Variants in ST6GALNAC3 observed in about 807,000 individuals in gnomAD.
The protein encoded by ST6GALNAC3 is ST6 N-acetylgalactosaminide alpha-2,6-sialyltransferase 3.
A neutral mutation model predicts 32.7 loss-of-function variants in ST6GALNAC3; 25 were observed. That is an observed-to-expected ratio of 0.76 (90% CI 0.56 to 1.07). The LOEUF (loss-of-function observed/expected upper bound fraction) is 1.07. ST6GALNAC3 is among the 50% of genes least tolerant of loss of function. The pLI, the probability that ST6GALNAC3 is intolerant of heterozygous loss-of-function variation, is 0.00. For missense variants in ST6GALNAC3, 355 were observed against 382.4 expected, an observed-to-expected ratio of 0.93 and a Z score of 0.60; for synonymous variants, 129 against 133.1, an observed-to-expected ratio of 0.97 and a Z score of 0.21.
chr1:76,145,514 TC>T (rs1397361155), intron 1 of ST6GALNAC3, among the ~76,000 whole-genome samples: 4 of 152,242 alleles, frequency 2.6e-5, no homozygotes, highest in Admixed American at 2.6e-4. Flanking sequence ...TGCATGTTAC[TC>T]TTTGAGAAGC....
At chr1:76,382,849 T>G (rs1557840516) in intron 2 of ST6GALNAC3, among the ~76,000 whole-genome samples, 1 of 152,148 alleles carries the variant, frequency 6.6e-6, no homozygotes, top group African/African-American at 2.4e-5. Context: ...AACATTTGAA[T>G]CTCTATTGGC....
chr1:76,231,444 G>A lies in ST6GALNAC3; in HGVS notation c.19-82361G>A, dbSNP rs190582041. On this transcript the variant is annotated intron_variant, in intron 1 of 4. Coordinates refer to ENST00000328299, the MANE Select transcript of ST6GALNAC3 (RefSeq NM_152996.4). ...TTGTTGTACGATTAATCTCCAAAAC[G>A]TTTTCATCTTGTAGAACTGAAACTC... 1.1e-3 allele frequency among the ~76,000 whole-genome samples: 165 copies of A among 152,132 alleles called. 5 individuals are homozygous for A. The highest frequency in any genetic ancestry group is 3.6e-3 in the African/African-American group (149 of 41,496).
At chr1:76,478,760 CTTTTTTTTTTT>C (rs397861238) in intron 3 of ST6GALNAC3, among the ~76,000 whole-genome samples, 1 of 109,088 alleles carries the variant, frequency 9.2e-6, no homozygotes, top group Admixed American at 1.0e-4. Flanking sequence ...TTTATTAATT[CTTTTTTTTTTT>C]TTTTTTTTTG....
intron 1 of ST6GALNAC3, among the ~76,000 whole-genome samples, chr1:76,163,071 C>T (rs1325378563): frequency 6.6e-6 from 1 of 152,180 alleles, no homozygotes. Context: ...GGTGCTGAAT[C>T]CTAAAGCAGC....
At chr1:76,340,861 C>A (rs1423223882) in intron 2 of ST6GALNAC3, among the ~76,000 whole-genome samples, 1 of 151,826 alleles carries the variant, frequency 6.6e-6, no homozygotes, top group Admixed American at 6.6e-5. Flanking sequence ...GCTTTCTCAG[C>A]CCATTTTGTA....
chr1:76,486,924 G>A (rs1660159187), intron 3 of ST6GALNAC3, among the ~76,000 whole-genome samples: 3 of 152,122 alleles, frequency 2.0e-5, no homozygotes, highest in Admixed American at 6.5e-5. Flanking sequence ...AGGCCTGGTG[G>A]TGACAAAATC....
intron 1 of ST6GALNAC3, among the ~76,000 whole-genome samples, chr1:76,080,063 A>G (rs1271680616): frequency 6.6e-6 from 1 of 152,236 alleles, no homozygotes; most frequent in African/African-American, 2.4e-5. Flanking sequence ...CCTAAGTGAG[A>G]TTATAGACTC....
chr1:76,184,792 TTGTC>T (rs1653446738), intron 1 of ST6GALNAC3, among the ~76,000 whole-genome samples: 1 of 152,106 alleles, frequency 6.6e-6, no homozygotes, highest in African/African-American at 2.4e-5. Flanking sequence ...AGGAATCTGT[TTGTC>T]TGGGTCAGTG....
chr1:76,563,402 T>C (rs892450207), intron 3 of ST6GALNAC3, among the ~76,000 whole-genome samples: 1 of 151,992 alleles, frequency 6.6e-6, no homozygotes, highest in Non-Finnish European at 1.5e-5. Context: ...AATCGGGAGG[T>C]ATCCCAAGAA....
At chr1:76,538,053 A>G (rs115809502) in intron 3 of ST6GALNAC3, among the ~76,000 whole-genome samples, 4,900 of 152,276 alleles carry the variant, frequency 0.032, 268 homozygotes, top group African/African-American at 0.11. Flanking sequence ...AAGACAGGGA[A>G]GAAGCACAAC....
At chr1:76,303,473 A>C (rs1428241146) in intron 1 of ST6GALNAC3, among the ~76,000 whole-genome samples, 4 of 152,060 alleles carry the variant, frequency 2.6e-5, no homozygotes, top group Non-Finnish European at 4.4e-5. Flanking sequence ...TTGCCTCATT[A>C]GTGTAACTTG....
At chr1:76,179,023 C>G (rs1653017034) in intron 1 of ST6GALNAC3, among the ~76,000 whole-genome samples, 1 of 152,170 alleles carries the variant, frequency 6.6e-6, no homozygotes, top group Non-Finnish European at 1.5e-5. Context: ...CTGCTCGGCT[C>G]AGTGGGCTCC....
At chr1:76,523,469 T>G (rs1233151630) in intron 3 of ST6GALNAC3, among the ~76,000 whole-genome samples, 1 of 152,156 alleles carries the variant, frequency 6.6e-6, no homozygotes, top group Admixed American at 6.5e-5. Context: ...TGATCTTGCA[T>G]TAGAAAAGGG....
chr1:76,318,163 T>C (rs1396428311), intron 2 of ST6GALNAC3, among the ~76,000 whole-genome samples: 2 of 152,172 alleles, frequency 1.3e-5, no homozygotes, highest in African/African-American at 4.8e-5. Flanking sequence ...TCAAGCTGTT[T>C]ATTTTTTTCC....
intron 2 of ST6GALNAC3, among the ~76,000 whole-genome samples, chr1:76,332,258 T>C (rs1647201758): frequency 6.6e-6 from 1 of 152,204 alleles, no homozygotes; most frequent in Non-Finnish European, 1.5e-5. Context: ...TCATCACTAA[T>C]CTGCCAACAA....
chr1:76,591,904 A>AAT (rs1467336231), intron 3 of ST6GALNAC3, among the ~76,000 whole-genome samples: 4 of 152,184 alleles, frequency 2.6e-5, no homozygotes, highest in Non-Finnish European at 4.4e-5. Flanking sequence ...CTCAATAATA[A>AAT]ATATCTATCT....
At position 76,358,468 on chromosome 1, in the gene ST6GALNAC3, A is replaced by G. The variant is rs373333811; in HGVS notation, c.213+44469A>G. On this transcript the variant is annotated intron_variant, in intron 2 of 4. Coordinates refer to ENST00000328299, the MANE Select transcript of ST6GALNAC3 (RefSeq NM_152996.4). ...GCTTCTTCTCCCTTACTCCTTATAAAAAATCCATTTCCAAGCCTCTAGTTT... is the reference window on the plus strand; with the variant it reads ...GCTTCTTCTCCCTTACTCCTTATAAGAAATCCATTTCCAAGCCTCTAGTTT... 1.5e-4 allele frequency among the ~76,000 whole-genome samples: 23 copies of G among 152,240 alleles called. No homozygotes were observed. The East Asian group carries it at 4.2e-3, about 28-fold the overall frequency.
Position 76,614,618 on chromosome 1 carries a change from C to A in ST6GALNAC3, c.624-12834C>A, listed in dbSNP as rs187821270. On this transcript the variant is annotated intron_variant, in intron 3 of 4. Transcript: ENST00000328299. ...CCTGTAGTCCCAGCTACTCGGCAGG[C>A]TGAGGCAGGAGAATGGTGTGAACTT... 4.7e-5 allele frequency among the ~76,000 whole-genome samples: 7 copies of A among 148,282 alleles called. No individual in the cohort carries two copies. The Admixed American group carries it at 4.8e-4, about 10-fold the overall frequency.
At position 76,633,596 on chromosome 1, in the gene ST6GALNAC3, C is replaced by T. The variant is rs1649402668; in HGVS notation, c.*4790C>T. 1 of 152,120 alleles carries T rather than the reference C, an allele frequency of 6.6e-6. No individual in the cohort carries two copies. The highest frequency in any genetic ancestry group is 1.5e-5 in the Non-Finnish European group (1 of 68,030). 9.4% of individuals were successfully genotyped at this position (152,120 alleles called of 1,614,324 possible). A position where few individuals can be genotyped will look rare whatever the true frequency, so the allele number is the denominator to read the frequency against. ...TGAAACTGGCAGGCCCTGTTGTTGA[C>T]ATTTCCCCAGAGCTAAAATGTCCTC... On this transcript the variant is annotated 3_prime_UTR_variant, in exon 5 of 5. Coordinates refer to ENST00000328299, the MANE Select transcript of ST6GALNAC3 (RefSeq NM_152996.4).
Sources: allele counts gnomAD v4.1 joint callset (sites outside exome capture counted in the v4.1 genomes callset), GRCh38; gene constraint gnomAD v4.1.1; transcripts MANE v1.5; gene names NCBI Gene and HGNC (gene_info 2026-07-23, HGNC 2026-07-21).